The following ASS1 variants were observed in gnomAD, a reference collection of about 807,000 sequenced individuals.
ASS1 encodes the protein argininosuccinate synthase 1.
In ASS1, 58 loss-of-function variants were observed where a neutral mutation model predicts 60.5. That is an observed-to-expected ratio of 0.96 (90% CI 0.78 to 1.19). ASS1 has a LOEUF of 1.19. Among genes scored for constraint, ASS1 ranks in the 50% most tolerant of loss-of-function variants. The pLI, the probability that ASS1 is intolerant of heterozygous loss-of-function variation, is 0.00. For missense variants in ASS1, 454 were observed against 547.3 expected (o/e 0.83, Z 1.70); for synonymous variants, 200 against 206.9 (o/e 0.97, Z 0.29).
intron 1 of ASS1, among the ~76,000 whole-genome samples, chr9:130,446,556 T>A (rs1845201168): frequency 6.6e-6 from 1 of 152,200 alleles, no homozygotes; most frequent in Non-Finnish European, 1.5e-5. Flanking sequence ...GCTGAGCGCC[T>A]GGCCGGTGCG....
chr9:130,485,623 T>C (rs17147023), intron 11 of ASS1, among the ~76,000 whole-genome samples: 37,039 of 151,960 alleles, frequency 0.24, 4,877 homozygotes, highest in African/African-American at 0.28. Context: ...GATGGCGCCA[T>C]TACGACTCTG....
At chr9:130,471,723 C>T (rs1043660180) in intron 8 of ASS1, among the ~76,000 whole-genome samples, 13 of 152,204 alleles carry the variant, frequency 8.5e-5, no homozygotes, top group Admixed American at 2.0e-4. Context: ...GACCTCCCCC[C>T]GCCCTTCCTC....
chr9:130,499,636 C>A (rs1329213251), intron 14 of ASS1, 66 bp downstream of exon 14: 14 of 1,505,434 alleles, frequency 9.3e-6, no homozygotes, highest in Non-Finnish European at 1.3e-5. Flanking sequence ...CTTTGAGAGC[C>A]CCCAGGTGTA....
chr9:130,493,198 T>C (rs1846492277), intron 12 of ASS1, among the ~76,000 whole-genome samples: 1 of 152,154 alleles, frequency 6.6e-6, no homozygotes, highest in Non-Finnish European at 1.5e-5. Flanking sequence ...TCATCAGACC[T>C]GGGCTCTTCC....
intron 12 of ASS1, among the ~76,000 whole-genome samples, chr9:130,492,873 C>T (rs372616505): frequency 2.0e-5 from 3 of 152,296 alleles, no homozygotes; most frequent in East Asian, 1.9e-4. Flanking sequence ...TTATGCCAGG[C>T]TCACTGGCCC....
chr9:130,465,032 TTTTA>T (rs1396456500), intron 5 of ASS1, among the ~76,000 whole-genome samples: 2 of 117,454 alleles, frequency 1.7e-5, no homozygotes, highest in African/African-American at 7.7e-5. Context: ...AATACATATG[TTTTA>T]TATATATATA....
At chr9:130,471,682 C>G (rs28633982) in intron 8 of ASS1, among the ~76,000 whole-genome samples, 167 bp downstream of exon 8, 2 of 152,154 alleles carry the variant, frequency 1.3e-5, no homozygotes, top group Non-Finnish European at 2.9e-5. Flanking sequence ...ACTGGCCCCC[C>G]TCTGCCCACC....
chr9:130,482,102 T>A, intron 11 of ASS1, among the ~76,000 whole-genome samples: 1 of 152,122 alleles, frequency 6.6e-6, no homozygotes, highest in East Asian at 1.9e-4. Flanking sequence ...TTGCTTCAAG[T>A]CCCAGGCACT....
At chr9:130,461,026 A>G (rs1845577931) in intron 4 of ASS1, among the ~76,000 whole-genome samples, 1 of 151,908 alleles carries the variant, frequency 6.6e-6, no homozygotes, top group African/African-American at 2.4e-5. Flanking sequence ...CCAAACAAAA[A>G]AAAAAGCTCC....
chr9:130,448,254 C>T (rs1845240001), intron 1 of ASS1, among the ~76,000 whole-genome samples: 1 of 152,064 alleles, frequency 6.6e-6, no homozygotes, highest in African/African-American at 2.4e-5. Context: ...TTCCCAAGCC[C>T]ATCTGCCCAG....
chr9:130,454,523 C>T (rs1318790849), intron 3 of ASS1, 150 bp downstream of exon 3: 2 of 921,566 alleles, frequency 2.2e-6, no homozygotes, highest in Non-Finnish European at 3.3e-6. Context: ...GGTGTGTGAA[C>T]CCTCTTGTTT....
rs182789804 is a variant in ASS1 at position 130,473,850 on chromosome 9, A to G, written c.597+2335A>G. On this transcript the variant is annotated intron_variant, in intron 8 of 14. Coordinates refer to ENST00000352480, the MANE Select transcript of ASS1 (RefSeq NM_054012.4). ...TTAACTTCATACGGTCCACAGTGAA[A>G]GAGTTCATTCAGTCGCCGGCCCGCC... 1.9e-3 allele frequency among the ~76,000 whole-genome samples: 282 copies of G among 152,338 alleles called. 3 individuals carry two copies. Among genetic ancestry groups the G allele is most frequent in the African/African-American group, 6.4e-3 (266 of 41,582 alleles).
chr9:130,495,488 C>T (rs1253772876), intron 13 of ASS1, among the ~76,000 whole-genome samples: 1 of 150,864 alleles, frequency 6.6e-6, no homozygotes, highest in Non-Finnish European at 1.5e-5. Flanking sequence ...CACACACACA[C>T]ACACACACAC....
chr9:130,487,710 C>T (rs1014318014), intron 11 of ASS1, among the ~76,000 whole-genome samples: 8 of 151,786 alleles, frequency 5.3e-5, no homozygotes, highest in East Asian at 1.9e-4. Context: ...TGTCACTTAG[C>T]GTCACGGCCT....
chr9:130,496,760 C>G (rs1008893170), intron 13 of ASS1, among the ~76,000 whole-genome samples: 3 of 152,174 alleles, frequency 2.0e-5, no homozygotes, highest in Non-Finnish European at 4.4e-5. Context: ...GTGTCCGCCC[C>G]GTGGATGAGA....
intron 3 of ASS1, among the ~76,000 whole-genome samples, chr9:130,454,579 A>T (rs1212198934): frequency 1.3e-5 from 2 of 152,020 alleles, no homozygotes; most frequent in East Asian, 3.8e-4. Flanking sequence ...CTTCCCATCC[A>T]GGTGGAGTGT....
chr9:130,466,371 C>T (rs577727575), intron 5 of ASS1: 80 of 372,524 alleles, frequency 2.1e-4, no homozygotes, highest in Non-Finnish European at 2.7e-4. Flanking sequence ...CCCTGGGTCA[C>T]GGCAGTGGCC....
In ASS1 at chr9:130,452,623, C is replaced by T. The variant is rs149558736; in HGVS notation, c.105+290C>T. Among the ~76,000 whole-genome samples the T allele has an allele frequency of 0.011, 1,682 of 152,322 alleles. 17 individuals are homozygous for T. Among genetic ancestry groups the T allele is most frequent in the South Asian group, 0.025 (121 of 4,830 alleles). On this transcript the variant is annotated intron_variant, in intron 2 of 14. Coordinates refer to ENST00000352480, the MANE Select transcript of ASS1 (RefSeq NM_054012.4). ...AACTTGGCAGTGCTGCTGGCTTAGCCTGCTTGCAGAGAGGCATGGGCTGGG... is the reference window on the plus strand; with the variant it reads ...AACTTGGCAGTGCTGCTGGCTTAGCTTGCTTGCAGAGAGGCATGGGCTGGG...
chr9:130,486,376 C>A (rs1381124483), intron 11 of ASS1, among the ~76,000 whole-genome samples: 2 of 152,118 alleles, frequency 1.3e-5, no homozygotes, highest in African/African-American at 4.8e-5. Context: ...CAGGTGTGAG[C>A]CCCCGCATAC....
Sources: gnomAD v4.1 joint callset for allele counts (sites outside exome capture counted in the v4.1 genomes callset) on GRCh38, gnomAD v4.1.1 for gene constraint, MANE v1.5 for transcripts, NCBI Gene and HGNC (gene_info 2026-07-23, HGNC 2026-07-21) for gene names.